The following SBNO2 variants were observed in gnomAD, a reference collection of about 807,000 sequenced individuals.
SBNO2 encodes the protein protein strawberry notch homolog 2.
SBNO2 carries 89 observed loss-of-function variants against 146.3 expected under a neutral mutation model. The observed-to-expected ratio is 0.61, with a 90% CI of 0.51 to 0.73. SBNO2 has a LOEUF of 0.73. SBNO2 is among the 30% of genes least tolerant of loss of function. SBNO2 has a pLI of 0.00. For synonymous variants in SBNO2, 1,147 were observed against 892.6 expected, an observed-to-expected ratio of 1.29 and a Z score of -5.08; for missense variants, 2,092 against 2,003.7, an observed-to-expected ratio of 1.04 and a Z score of -0.84.
At chr19:1,160,136 G>A (rs1239414323) in intron 1 of SBNO2, among the ~76,000 whole-genome samples, 1 of 152,188 alleles carries the variant, frequency 6.6e-6, no homozygotes, top group Non-Finnish European at 1.5e-5. Flanking sequence ...CTTGCGCCTG[G>A]CACCTGTTTG....
intron 1 of SBNO2, among the ~76,000 whole-genome samples, chr19:1,159,961 G>C (rs1466365138): frequency 1.3e-5 from 2 of 152,064 alleles, no homozygotes; most frequent in Non-Finnish European, 2.9e-5. Flanking sequence ...GGAGACCCCA[G>C]AGTGTCCGGC....
rs1273056199 is a variant in SBNO2, at chr19:1,109,551, C to A, written c.3171G>T (p.Ser1057=). ...CGTCATAGGGGCCCGTCAGCGCCAGCGACTTGGCAAAGGCGTCCTCCCACT... is the reference window on the plus strand; with the variant it reads ...CGTCATAGGGGCCCGTCAGCGCCAGAGACTTGGCAAAGGCGTCCTCCCACT... ...GLKWEDAFAK[S]LALTGPYDGF... is the part of the protein sequence containing the mutation. The change falls in exon 28 of 32, where the codon TCG becomes TCT. Residue 1057 remains serine, a synonymous_variant. Coordinates refer to ENST00000361757, the MANE Select transcript of SBNO2 (RefSeq NM_014963.3). This position sits in a 1 kb window ranked among gnomAD's most constrained non-coding sequence, Gnocchi z 4.2. 5.0e-6 allele frequency: 8 copies of A among 1,600,976 alleles called. No individual in the cohort carries two copies. Among genetic ancestry groups the A allele is most frequent in the East Asian group, 2.3e-5 (1 of 44,338 alleles).
chr19:1,109,713 G>A lies in SBNO2; in HGVS notation c.3093C>T (p.His1031=). 11 of 1,607,528 alleles carry A rather than the reference G, an allele frequency of 6.8e-6. No homozygotes were observed. The highest frequency in any genetic ancestry group is 8.5e-6 in the Non-Finnish European group (10 of 1,176,194). Residue 1031 remains histidine, a synonymous_variant, in exon 27 of 32, where the codon CAC becomes CAT. Coordinates refer to ENST00000361757, the MANE Select transcript of SBNO2 (RefSeq NM_014963.3). This position sits in a 1 kb window ranked among gnomAD's most constrained non-coding sequence, Gnocchi z 4.2. The part of the protein sequence containing the change: ...ESQQVFLAPG[H]PQDGQVVFYK... The stretch of plus-strand genomic sequence containing the variant: ...AGAAGACCACCTGCCCGTCCTGCGG[G>A]TGCCCGGGAGCCAGGAACACCTGCT...
intron 1 of SBNO2, among the ~76,000 whole-genome samples, chr19:1,161,906 C>CGGA (rs1555728203): frequency 1.5e-3 from 2 of 1,346 alleles, no homozygotes; most frequent in African/African-American, 8.3e-3. Flanking sequence ...TGGGGAGCCG[C>CGGA]GGGGGGGGGG....
At chr19:1,118,914 C>A in intron 14 of SBNO2, 97 bp downstream of exon 14, 1 of 1,308,370 alleles carries the variant, frequency 7.6e-7, no homozygotes, top group Non-Finnish European at 1.0e-6. Context: ...CAGGGCGGGC[C>A]GTCACCTGAT....
At chr19:1,122,378 C>A (rs760916043) in intron 10 of SBNO2, 90 bp downstream of exon 10, 2 of 1,517,814 alleles carry the variant, frequency 1.3e-6, no homozygotes, top group East Asian at 2.4e-5. Flanking sequence ...CAGAGCCTGC[C>A]CTGGCTGCTG....
chr19:1,120,440 C>G (rs1280022078), intron 11 of SBNO2, among the ~76,000 whole-genome samples: 1 of 152,204 alleles, frequency 6.6e-6, no homozygotes, highest in Admixed American at 6.5e-5. Context: ...AATGTCAGCT[C>G]ACTGCAACCT....
At position 1,112,166 on chromosome 19, in the gene SBNO2, C is replaced by T; in HGVS notation, c.2628+23G>A. 1 of 1,585,084 alleles carries T rather than the reference C, an allele frequency of 6.3e-7. No individual in the cohort carries two copies. The highest frequency in any genetic ancestry group is 1.1e-5 in the South Asian group (1 of 87,848). The stretch of plus-strand genomic sequence containing the variant: ...CCTTCCTGGGCCTGTCCCTGGTTCT[C>T]AGCCCCACCCCCACCTGCTCACCAG... On this transcript the variant is annotated intron_variant, in intron 22 of 31. Transcript: ENST00000361757. The surrounding 1 kb of genome is among the most constrained non-coding windows in gnomAD (Gnocchi z 5.9).
In SBNO2 at chr19:1,113,524, G is replaced by T. The variant is rs112914802; in HGVS notation, c.2247+11C>A. The T allele has an allele frequency of 0.012, 19,141 of 1,582,292 alleles. 149 individuals are homozygous for T. The highest frequency in any genetic ancestry group is 0.015 in the Non-Finnish European group (17,061 of 1,166,408). Reference sequence around the variant, plus strand: ...CCGCCCACCACACTCCAGCTGCCACGTCCCACCCACCTCCGCCACCCGCTG... The same window carrying T: ...CCGCCCACCACACTCCAGCTGCCACTTCCCACCCACCTCCGCCACCCGCTG... On this transcript the variant is annotated intron_variant, in intron 19 of 31. Coordinates refer to ENST00000361757, the MANE Select transcript of SBNO2 (RefSeq NM_014963.3).
intron 16 of SBNO2, 88 bp from the exon 17 acceptor site, chr19:1,116,191 C>A: frequency 8.0e-7 from 1 of 1,242,782 alleles, no homozygotes. Context: ...CCCCTGGGTC[C>A]CTGTGGGGGT....
At position 1,108,461 on chromosome 19, in the gene SBNO2, C is replaced by T; in HGVS notation, c.3860G>A (p.Gly1287Asp). Residue 1287 changes from glycine to aspartate, a missense_variant, in exon 32 of 32, where the codon GGC (glycine) becomes GAC (aspartate). Transcript: ENST00000361757. ...PAPLSLDAGP[G>D]VVPLGTPDAQ... Reference sequence around the variant, plus strand: ...GTCGGGGGTGCCCAGCGGCACGACGCCGGGGCCGGCGTCCAGGGACAGCGG... The same window carrying T: ...GTCGGGGGTGCCCAGCGGCACGACGTCGGGGCCGGCGTCCAGGGACAGCGG... The T allele has an allele frequency of 8.1e-7, 1 of 1,228,984 alleles. No homozygotes were observed. The highest frequency in any genetic ancestry group is 1.0e-6 in the Non-Finnish European group (1 of 981,362). 76.1% of individuals were successfully genotyped at this position (1,228,984 alleles called of 1,614,324 possible). A position where few individuals can be genotyped will look rare whatever the true frequency, so the allele number is the denominator to read the frequency against.
chr19:1,151,816 C>T (rs1036888250), intron 2 of SBNO2, among the ~76,000 whole-genome samples: 10 of 152,344 alleles, frequency 6.6e-5, no homozygotes, highest in Non-Finnish European at 1.5e-4. Context: ...GCGCCCGCCA[C>T]CACGCCCAGC....
rs1053603922 is a variant in SBNO2, at chr19:1,144,006, C to T, written c.279+3303G>A. The stretch of plus-strand genomic sequence containing the variant: ...CTCAGGTCTGAGTCGGGAGCAGAGG[C>T]TTCCGTGGCTGGCTGGGCTGCGCTG... On this transcript the variant is annotated intron_variant, in intron 4 of 31. Transcript: ENST00000361757. This position sits in a 1 kb window ranked among gnomAD's most constrained non-coding sequence, Gnocchi z 4.1. Among the ~76,000 whole-genome samples the T allele has an allele frequency of 2.0e-5, 3 of 152,216 alleles. No individual in the cohort carries two copies. The highest frequency in any genetic ancestry group is 7.2e-5 in the African/African-American group (3 of 41,466).
rs934821816 is a variant in SBNO2 at position 1,108,304 on chromosome 19, C to T, written c.4017G>A (p.Ala1339=). The T allele has an allele frequency of 4.9e-5, 72 of 1,460,236 alleles. No individual in the cohort carries two copies. In the African/African-American group the frequency reaches 9.6e-4, roughly 20 times the overall value. The allele number at this position is 1,460,236 out of a possible 1,614,324, so 90.5% of individuals were successfully genotyped here. A position where few individuals can be genotyped will look rare whatever the true frequency, so the allele number is the denominator to read the frequency against. Residue 1339 remains alanine (A), a synonymous_variant, in exon 32 of 32, where the codon GCG becomes GCA. Coordinates refer to ENST00000361757, the MANE Select transcript of SBNO2 (RefSeq NM_014963.3). Reference sequence around the variant, plus strand: ...CGGGACCACCGCCCGCCGCGCCCCCCGCCCCCGCGCCCTCCCCCAGCGCGC... The same window carrying T: ...CGGGACCACCGCCCGCCGCGCCCCCTGCCCCCGCGCCCTCCCCCAGCGCGC... ...SEGALGEGAG[A]GGAAGGGPER...
Position 1,112,568 on chromosome 19 carries a change from T to A in SBNO2, c.2380-31A>T, listed in dbSNP as rs369063894. On this transcript the variant is annotated intron_variant, in intron 20 of 31. Coordinates refer to ENST00000361757, the MANE Select transcript of SBNO2 (RefSeq NM_014963.3). The surrounding 1 kb of genome is among the most constrained non-coding windows in gnomAD (Gnocchi z 5.9). ...GGGAAAGAAGGGGCCGGGACACGGT[T>A]GGTGCAAGGCCCGCCCCAGCGTTGC... is the stretch of plus-strand genomic sequence containing the variant. The A allele has an allele frequency of 1.9e-5, 30 of 1,574,972 alleles. No homozygotes were observed. The African/African-American group carries it at 3.9e-4, about 21-fold the overall frequency.
At chr19:1,147,051 T>C (rs116812077) in intron 4 of SBNO2, among the ~76,000 whole-genome samples, 6,036 of 152,128 alleles carry the variant, frequency 0.04, 405 homozygotes, top group African/African-American at 0.14. Flanking sequence ...CTCTGTGGCA[T>C]TGCCCAGATG....
rs1555725738 is a variant in SBNO2 at position 1,147,436 on chromosome 19, G to GGC, written c.168-17_168-16insGC. ...CATGAACGGGCTGGAGGGAGATGGG[G>GGC]GGGGGGGAGGTGAGATGGGGTGCTC... On this transcript the variant is annotated splice_polypyrimidine_tract_variant and intron_variant, in intron 3 of 31. Transcript: ENST00000361757. 13 of 1,301,190 alleles carry GGC rather than the reference G, an allele frequency of 1.0e-5. No individual in the cohort carries two copies. Among genetic ancestry groups the GGC allele is most frequent in the African/African-American group, 1.6e-5 (1 of 64,276 alleles). The allele number at this position is 1,301,190 out of a possible 1,614,324, so 80.6% of individuals were successfully genotyped here. A position where few individuals can be genotyped will look rare whatever the true frequency, so the allele number is the denominator to read the frequency against.
In SBNO2 at chr19:1,157,251, C is replaced by G. The variant is rs1439871953; in HGVS notation, c.-126-2849G>C. ...GCCATGTCTCTGGGGCATCCAGCTG[C>G]CCCAATCCCCAGGATAAACCCTAGT... On this transcript the variant is annotated intron_variant, in intron 1 of 31. Coordinates refer to ENST00000361757, the MANE Select transcript of SBNO2 (RefSeq NM_014963.3). This position sits in a 1 kb window ranked among gnomAD's most constrained non-coding sequence, Gnocchi z 6.8. Among the ~76,000 whole-genome samples, 1 of 151,884 alleles carries G rather than the reference C, an allele frequency of 6.6e-6. No homozygotes were observed. Among genetic ancestry groups the G allele is most frequent in the African/African-American group, 2.4e-5 (1 of 41,402 alleles).
At chr19:1,113,139 T>C (rs1319330104) in intron 19 of SBNO2, among the ~76,000 whole-genome samples, 190 bp from the exon 20 acceptor site, 2 of 152,010 alleles carry the variant, frequency 1.3e-5, no homozygotes, top group African/African-American at 2.4e-5. Context: ...CAAGGCCTGG[T>C]ATTATCAGCC....
Sources: gnomAD v4.1 joint callset for allele counts (sites outside exome capture counted in the v4.1 genomes callset) on GRCh38, gnomAD v4.1.1 for gene constraint, Gnocchi (gnomAD v3.1) non-coding constraint, MANE v1.5 for transcripts, NCBI Gene and HGNC (gene_info 2026-07-23, HGNC 2026-07-21) for gene names.